Variants in WDR27 observed in about 807,000 individuals in gnomAD.
WDR27 encodes the protein WD repeat-containing protein 27.
WDR27 carries 100 observed loss-of-function variants against 114.4 expected under a neutral mutation model. The ratio of observed to expected loss-of-function variants is 0.87; its 90% CI spans 0.74 to 1.03. The LOEUF is 1.03. WDR27 is among the 50% of genes least tolerant of loss of function. The probability of loss-of-function intolerance (pLI) is 0.00; values close to 1 mark genes in which losing one functional copy is unlikely to be tolerated. For missense variants in WDR27, 1,129 were observed against 1,092.9 expected (o/e 1.03, Z -0.47); for synonymous variants, 449 against 423.1 (o/e 1.06, Z -0.75).
At chr6:169,664,025 G>T in intron 8 of WDR27, 141 bp downstream of exon 8, 1 of 787,662 alleles carries the variant, frequency 1.3e-6, no homozygotes, top group Non-Finnish European at 1.9e-6. Flanking sequence ...CAGGGCCTCA[G>T]TGGTTTTCTG....
At chr6:169,472,853 G>C (rs1279550517) in intron 25 of WDR27, among the ~76,000 whole-genome samples, 1 of 152,116 alleles carries the variant, frequency 6.6e-6, no homozygotes, top group East Asian at 1.9e-4. Flanking sequence ...TCATAGACAT[G>C]TCAAATTTAA....
chr6:169,463,575 C>T (rs140464787), intron 25 of WDR27, among the ~76,000 whole-genome samples: 2,461 of 152,134 alleles, frequency 0.016, 33 homozygotes, highest in Non-Finnish European at 0.025. Context: ...TTAAAAGTAC[C>T]CAAATTGAAA....
rs116749291 is a variant in WDR27, at chr6:169,662,281, T to C, written c.1025+23A>G. Reference sequence around the variant, plus strand: ...TTTAAGAGGTTTCCTTTATGTGGCATAGGCAAAGTTTTTGATACTTACCAT... The same window carrying C: ...TTTAAGAGGTTTCCTTTATGTGGCACAGGCAAAGTTTTTGATACTTACCAT... On this transcript the variant is annotated intron_variant, in intron 9 of 25. Coordinates refer to ENST00000448612, the MANE Select transcript of WDR27 (RefSeq NM_182552.5). 9.5e-4 allele frequency: 1,537 copies of C among 1,609,662 alleles called. 18 individuals carry two copies. The African/African-American group carries it at 0.018, about 19-fold the overall frequency.
In WDR27 at chr6:169,464,839, G is replaced by A. The variant is rs1330916406; in HGVS notation, c.2646-7205C>T. Among the ~76,000 whole-genome samples, 3 of 152,240 alleles carry A rather than the reference G, an allele frequency of 2.0e-5. No homozygotes were observed. In the South Asian group the frequency reaches 6.2e-4, roughly 32 times the overall value. Reference sequence around the variant, plus strand: ...GCAAGAAGCACATGAAAAGATGCTCGGCCAGGCACGGTGGCCCATGCCTGT... The same window carrying A: ...GCAAGAAGCACATGAAAAGATGCTCAGCCAGGCACGGTGGCCCATGCCTGT... On this transcript the variant is annotated intron_variant, in intron 25 of 25. Transcript: ENST00000448612.
intron 25 of WDR27, chr6:169,559,716 T>A (rs1229084304): frequency 6.6e-6 from 1 of 152,244 alleles, no homozygotes. Context: ...TCACCCCGCT[T>A]TTCTTCAAGA....
chr6:169,553,274 C>A (rs909841), intron 25 of WDR27, among the ~76,000 whole-genome samples: 2 of 151,728 alleles, frequency 1.3e-5, no homozygotes, highest in Non-Finnish European at 2.9e-5. Context: ...ACTCCCAGCC[C>A]GGCCCAGCAA....
rs557485068 is a variant in WDR27, at chr6:169,518,731, T to C, written c.2645+53688A>G. Among the ~76,000 whole-genome samples, 9 of 152,342 alleles carry C rather than the reference T, an allele frequency of 5.9e-5. No individual in the cohort carries two copies. In the East Asian group the frequency reaches 1.5e-3, roughly 26 times the overall value. On this transcript the variant is annotated intron_variant, in intron 25 of 25. Coordinates refer to ENST00000448612, the MANE Select transcript of WDR27 (RefSeq NM_182552.5). Reference sequence around the variant, plus strand: ...TTATGCAAGTTTCTCTAGGAAGTGGTTGCTCAGCAACCTGCTTGAATTCCT... The same window carrying C: ...TTATGCAAGTTTCTCTAGGAAGTGGCTGCTCAGCAACCTGCTTGAATTCCT...
At chr6:169,618,621 T>A (rs1488426460) in intron 21 of WDR27, among the ~76,000 whole-genome samples, 1 of 95,834 alleles carries the variant, frequency 1.0e-5, no homozygotes, top group African/African-American at 4.3e-5. Flanking sequence ...TGCACTTGGA[T>A]GACTGCAAAA....
At chr6:169,589,648 A>G (rs980230084) in intron 23 of WDR27, among the ~76,000 whole-genome samples, 1 of 152,202 alleles carries the variant, frequency 6.6e-6, no homozygotes, top group African/African-American at 2.4e-5. Flanking sequence ...GTGACACAGC[A>G]ATTGGAAGCC....
the WDR27 span, among the ~76,000 whole-genome samples, chr6:169,444,684 G>A: frequency 8.3e-5 from 12 of 145,416 alleles, no homozygotes; most frequent in East Asian, 1.4e-3. Context: ...TTTTTTTTTC[G>A]TCTTTTGTTG....
In WDR27 at chr6:169,636,515, A is replaced by C; in HGVS notation, c.1870-11T>G. The C allele has an allele frequency of 6.3e-7, 1 of 1,591,582 alleles. No homozygotes were observed. The highest frequency in any genetic ancestry group is 8.5e-7 in the Non-Finnish European group (1 of 1,170,026). Reference sequence around the variant, plus strand: ...AAACATGTCTTTGCCCTGTAATGCAAATCAGTAATTACTGTCAATATAATA... The same window carrying C: ...AAACATGTCTTTGCCCTGTAATGCACATCAGTAATTACTGTCAATATAATA... On this transcript the variant is annotated splice_polypyrimidine_tract_variant and intron_variant, in intron 18 of 25. Coordinates refer to ENST00000448612, the MANE Select transcript of WDR27 (RefSeq NM_182552.5).
chr6:169,545,184 T>C (rs1353674766), intron 25 of WDR27, among the ~76,000 whole-genome samples: 24 of 152,094 alleles, frequency 1.6e-4, no homozygotes, highest in Admixed American at 1.6e-3. Context: ...CAAGACAGTA[T>C]GGTATTGGTG....
In WDR27 at chr6:169,569,449, C is replaced by T. The variant is rs909438859; in HGVS notation, c.2645+2970G>A. ...GTTAAAGTATTTTAAAATTGTTAAG[C>T]TTCATTTTAAATGTACTATATAAGA... On this transcript the variant is annotated intron_variant, in intron 25 of 25. Coordinates refer to ENST00000448612, the MANE Select transcript of WDR27 (RefSeq NM_182552.5). 6.6e-5 allele frequency among the ~76,000 whole-genome samples: 10 copies of T among 152,172 alleles called. No individual in the cohort carries two copies. The East Asian group carries it at 1.2e-3, about 18-fold the overall frequency.
chr6:169,478,936 AG>A (rs1787570658), intron 25 of WDR27, among the ~76,000 whole-genome samples: 1 of 152,212 alleles, frequency 6.6e-6, no homozygotes, highest in Non-Finnish European at 1.5e-5. Context: ...TTTAAACGTA[AG>A]ACTGTAAACT....
chr6:169,667,050 G>C, intron 6 of WDR27, 86 bp downstream of exon 6: 1 of 1,381,806 alleles, frequency 7.2e-7, no homozygotes, highest in Non-Finnish European at 9.4e-7. Context: ...GAATGTCCCA[G>C]CTCCATCTTA....
At chr6:169,519,981 T>C (rs771006771) in intron 25 of WDR27, among the ~76,000 whole-genome samples, 1 of 152,044 alleles carries the variant, frequency 6.6e-6, no homozygotes, top group Non-Finnish European at 1.5e-5. Flanking sequence ...CCCACCATCT[T>C]GAACTACTTG....
chr6:169,471,614 C>G (rs970565748), intron 25 of WDR27, among the ~76,000 whole-genome samples: 1 of 152,188 alleles, frequency 6.6e-6, no homozygotes, highest in Non-Finnish European at 1.5e-5. Context: ...AGTGGTATGA[C>G]AAATGTTCTA....
chr6:169,597,960 CTTTT>C (rs11393060), intron 23 of WDR27, among the ~76,000 whole-genome samples: 1 of 144,928 alleles, frequency 6.9e-6, no homozygotes, highest in East Asian at 2.1e-4. Flanking sequence ...ACATAGGTCT[CTTTT>C]TTTTTTTGTT....
At chr6:169,666,445 C>T (rs983357949) in intron 6 of WDR27, 1 of 985,410 alleles carries the variant, frequency 1.0e-6, no homozygotes, top group East Asian at 1.1e-4. Context: ...CCTTTTAATT[C>T]CCTAACTCTC....
Sources: allele counts gnomAD v4.1 joint callset (sites outside exome capture counted in the v4.1 genomes callset), GRCh38; gene constraint gnomAD v4.1.1; transcripts MANE v1.5; gene names NCBI Gene and HGNC (gene_info 2026-07-23, HGNC 2026-07-21).